The following RTL4 variants were observed in gnomAD, a reference collection of about 807,000 sequenced individuals.
RTL4 encodes retrotransposon Gag-like protein 4.
In RTL4, 4 loss-of-function variants were observed where a neutral mutation model predicts 5.3. The observed-to-expected ratio is 0.75, with a 90% CI of 0.37 to 1.72. RTL4 has a LOEUF of 1.72. Ranked by LOEUF, RTL4 falls within the 40% of genes most tolerant of loss-of-function variation. RTL4 has a pLI of 0.04. For synonymous variants in RTL4, 98 were observed against 87.3 expected (o/e 1.12, Z -0.68); for missense variants, 260 against 227.1 (o/e 1.14, Z -0.93).
At chrX:112,279,201 T>C in the RTL4 span, among the ~76,000 whole-genome samples, 43 of 111,750 alleles carry the variant, frequency 3.8e-4, no homozygotes, top group African/African-American at 1.3e-3. Context: ...CTGAAGCATA[T>C]GAATTTCCAT....
chrX:112,220,501 C>T, the RTL4 span, among the ~76,000 whole-genome samples: 1 of 112,659 alleles, frequency 8.9e-6, no homozygotes, highest in African/African-American at 3.2e-5. Context: ...GCCCCGGAGA[C>T]ATTTTCCCCA....
At chrX:112,182,189 T>G in the RTL4 span, among the ~76,000 whole-genome samples, 1 of 111,026 alleles carries the variant, frequency 9.0e-6, no homozygotes, top group Non-Finnish European at 1.9e-5. Flanking sequence ...GTCACCAACA[T>G]CAAAGACCAA....
the RTL4 span, among the ~76,000 whole-genome samples, chrX:112,112,557 A>G: frequency 8.9e-6 from 1 of 112,212 alleles, no homozygotes; most frequent in African/African-American, 3.2e-5. Context: ...TAGATATTTG[A>G]ATTGCTGTAA....
chrX:112,137,786 C>T, the RTL4 span, among the ~76,000 whole-genome samples: 2 of 111,457 alleles, frequency 1.8e-5, no homozygotes, highest in Non-Finnish European at 3.8e-5. Flanking sequence ...TAATCTTGTA[C>T]ATCATTGGTG....
chrX:112,128,203 C>T, the RTL4 span, among the ~76,000 whole-genome samples: 3 of 111,555 alleles, frequency 2.7e-5, no homozygotes, highest in Non-Finnish European at 5.6e-5. Flanking sequence ...CAGTGTGGTA[C>T]TGGCATAAGG....
At chrX:112,237,155 CCTCTT>C in the RTL4 span, among the ~76,000 whole-genome samples, 2 of 112,189 alleles carry the variant, frequency 1.8e-5, no homozygotes, top group Non-Finnish European at 3.8e-5. Context: ...AGGACAGTCT[CCTCTT>C]CTCTTGATTA....
At chrX:112,086,878 A>G in the RTL4 span, among the ~76,000 whole-genome samples, 1 of 112,090 alleles carries the variant, frequency 8.9e-6, no homozygotes, top group Non-Finnish European at 1.9e-5. Context: ...TTTCAAGAGA[A>G]CATTTAAACT....
chrX:112,086,970 A>G, the RTL4 span, among the ~76,000 whole-genome samples: 2 of 112,189 alleles, frequency 1.8e-5, no homozygotes, highest in African/African-American at 6.5e-5. Flanking sequence ...AGATGTGTAA[A>G]CAGAGCTTCA....
At chrX:112,133,805 T>C in the RTL4 span, among the ~76,000 whole-genome samples, 1 of 112,381 alleles carries the variant, frequency 8.9e-6, no homozygotes, top group Non-Finnish European at 1.9e-5. Context: ...GCCTGCTACA[T>C]GATAATTGTT....
chrX:112,276,637 G>A, the RTL4 span, among the ~76,000 whole-genome samples: 21 of 111,671 alleles, frequency 1.9e-4, no homozygotes, highest in South Asian at 7.6e-3. Flanking sequence ...AGCATAGAGG[G>A]CACACAGCAG....
the RTL4 span, among the ~76,000 whole-genome samples, chrX:112,354,961 C>G: frequency 3.6e-5 from 4 of 111,302 alleles, no homozygotes; most frequent in African/African-American, 1.3e-4. Flanking sequence ...ATAATCAACA[C>G]TTTCTATGTT....
the RTL4 span, among the ~76,000 whole-genome samples, chrX:112,406,313 G>A: frequency 8.9e-6 from 1 of 111,957 alleles, no homozygotes; most frequent in Non-Finnish European, 1.9e-5. Flanking sequence ...AGAAAGCACT[G>A]TGCTGGCATC....
chrX:112,332,035 C>T, the RTL4 span, among the ~76,000 whole-genome samples: 1 of 108,445 alleles, frequency 9.2e-6, no homozygotes, highest in African/African-American at 3.4e-5. Context: ...GGAGGGATAG[C>T]ATTGGGAGAT....
the RTL4 span, among the ~76,000 whole-genome samples, chrX:112,111,299 G>C: frequency 9.2e-6 from 1 of 108,818 alleles, no homozygotes; most frequent in Non-Finnish European, 1.9e-5. Context: ...CTTTGTCTCT[G>C]TCTCTTCCTC....
At chrX:112,246,458 A>T in the RTL4 span, among the ~76,000 whole-genome samples, 18 of 111,911 alleles carry the variant, frequency 1.6e-4, no homozygotes, top group East Asian at 4.8e-3. Flanking sequence ...GATGCCACCT[A>T]GCAGTTAGAT....
At chrX:112,129,898 G>A in the RTL4 span, among the ~76,000 whole-genome samples, 1 of 112,055 alleles carries the variant, frequency 8.9e-6, no homozygotes, top group Non-Finnish European at 1.9e-5. Context: ...ATCATTAACA[G>A]TAGCATAAAA....
chrX:112,432,172 A>G, the RTL4 span, among the ~76,000 whole-genome samples: 1 of 102,448 alleles, frequency 9.8e-6, no homozygotes, highest in African/African-American at 3.6e-5. Context: ...GCTATTGTGA[A>G]TAGTGCCACA....
the RTL4 span, among the ~76,000 whole-genome samples, chrX:112,337,063 A>T: frequency 1.8e-5 from 2 of 111,810 alleles, no homozygotes. Context: ...AACAGGTAGC[A>T]GGCCAGATTT....
At chrX:112,166,667 G>A in the RTL4 span, among the ~76,000 whole-genome samples, 175 of 111,736 alleles carry the variant, frequency 1.6e-3, no homozygotes, top group African/African-American at 5.6e-3. Context: ...CTAGAGAGGC[G>A]AAGTGTAGTA....
Sources: gnomAD v4.1 joint callset for allele counts (sites outside exome capture counted in the v4.1 genomes callset) on GRCh38, gnomAD v4.1.1 for gene constraint, MANE v1.5 for transcripts, NCBI Gene and HGNC (gene_info 2026-07-23, HGNC 2026-07-21) for gene names.